The following MALRD1 variants were observed in gnomAD, a reference collection of about 807,000 sequenced individuals.
MALRD1 encodes MAM and LDL-receptor class A domain-containing protein 1.
A neutral mutation model predicts 242.1 loss-of-function variants in MALRD1; 247 were observed. The observed-to-expected ratio is 1.02, with a 90% CI of 0.92 to 1.13. The LOEUF (loss-of-function observed/expected upper bound fraction) is 1.13. Ranked by LOEUF, MALRD1 falls within the 50% of genes most tolerant of loss-of-function variation. The pLI is 0.00. For missense variants in MALRD1, 2,989 were observed against 2,533.1 expected, an observed-to-expected ratio of 1.18 and a Z score of -3.86; for synonymous variants, 995 against 866.6, an observed-to-expected ratio of 1.15 and a Z score of -2.60.
intron 26 of MALRD1, among the ~76,000 whole-genome samples, chr10:19,372,459 G>T (rs1845418814): frequency 6.6e-6 from 1 of 151,712 alleles, no homozygotes. Flanking sequence ...TAGGCCTCTT[G>T]AAATAATATT....
At chr10:19,229,205 C>A (rs769105742) in intron 18 of MALRD1, among the ~76,000 whole-genome samples, 2 of 151,992 alleles carry the variant, frequency 1.3e-5, no homozygotes, top group African/African-American at 4.8e-5. Context: ...ACCTACGTAA[C>A]AATATATCAG....
At chr10:19,171,937 A>G (rs1446037487) in intron 13 of MALRD1, among the ~76,000 whole-genome samples, 1 of 133,182 alleles carries the variant, frequency 7.5e-6, no homozygotes, top group Admixed American at 7.7e-5. Context: ...TGTGATATAT[A>G]TATCATATAA....
chr10:19,392,589 C>A (rs1237681294), intron 28 of MALRD1, among the ~76,000 whole-genome samples: 1 of 152,094 alleles, frequency 6.6e-6, no homozygotes, highest in Non-Finnish European at 1.5e-5. Flanking sequence ...ACCATATTAC[C>A]TATTTCTGTA....
At position 19,253,818 on chromosome 10, in the gene MALRD1, T is replaced by C. The variant is rs574898900; in HGVS notation, c.2992-3866T>C. ...TCCTGTCAACACAAATCTGATTTCT[T>C]TCCCAATTGATATGGTTTGGCTCTG... On this transcript the variant is annotated intron_variant, in intron 18 of 39. Coordinates refer to ENST00000454679, the MANE Select transcript of MALRD1 (RefSeq NM_001142308.3). Among the ~76,000 whole-genome samples, 5 of 152,110 alleles carry C rather than the reference T, an allele frequency of 3.3e-5. No individual in the cohort carries two copies. In the East Asian group the frequency reaches 7.8e-4, roughly 24 times the overall value.
At chr10:19,441,263 G>A (rs1180051182) in intron 28 of MALRD1, among the ~76,000 whole-genome samples, 1 of 152,140 alleles carries the variant, frequency 6.6e-6, no homozygotes, top group Non-Finnish European at 1.5e-5. Flanking sequence ...TGGGTAGATT[G>A]TAAAAATTTT....
intron 18 of MALRD1, among the ~76,000 whole-genome samples, chr10:19,255,766 T>A (rs1037768564): frequency 6.6e-6 from 1 of 152,102 alleles, no homozygotes; most frequent in African/African-American, 2.4e-5. Flanking sequence ...GGATTGTTTC[T>A]GTCTTTCCGT....
At chr10:19,209,159 G>T in intron 17 of MALRD1, 109 bp from the exon 18 acceptor site, 1 of 1,024,550 alleles carries the variant, frequency 9.8e-7, no homozygotes, top group Non-Finnish European at 1.3e-6. Context: ...GGCTTACCTT[G>T]GCATGAGCAA....
chr10:19,454,865 A>G (rs1835563024), intron 29 of MALRD1, among the ~76,000 whole-genome samples: 1 of 152,006 alleles, frequency 6.6e-6, no homozygotes, highest in Non-Finnish European at 1.5e-5. Context: ...AAAACTTACA[A>G]CTCAATTTAT....
intron 18 of MALRD1, among the ~76,000 whole-genome samples, chr10:19,216,945 CAAAAA>C: frequency 9.3e-6 from 1 of 107,960 alleles, no homozygotes; most frequent in Admixed American, 1.0e-4. Flanking sequence ...GACTCCGTCT[CAAAAA>C]AAAAAAAATA....
intron 4 of MALRD1, among the ~76,000 whole-genome samples, chr10:19,095,909 G>C (rs1268537645): frequency 6.6e-6 from 1 of 152,172 alleles, no homozygotes; most frequent in East Asian, 1.9e-4. Context: ...GGATGATCTT[G>C]CTGAAGTTCC....
At chr10:19,533,783 T>C (rs569251366) in intron 32 of MALRD1, among the ~76,000 whole-genome samples, 9 of 152,230 alleles carry the variant, frequency 5.9e-5, no homozygotes, top group South Asian at 2.1e-4. Flanking sequence ...ACCTCCAGCA[T>C]TGGGGATTAC....
chr10:19,341,533 TAC>T (rs1236613966), intron 24 of MALRD1, among the ~76,000 whole-genome samples: 13 of 145,458 alleles, frequency 8.9e-5, no homozygotes, highest in Non-Finnish European at 1.6e-4. Flanking sequence ...TGTATATATA[TAC>T]ACACATATAT....
At chr10:19,070,544 TA>T (rs1835112556) in intron 2 of MALRD1, among the ~76,000 whole-genome samples, 1 of 152,270 alleles carries the variant, frequency 6.6e-6, no homozygotes, top group South Asian at 2.1e-4. Context: ...TGTTTTAGTT[TA>T]AAAAAGTTCT....
At chr10:19,675,662 C>T (rs1389477071) in intron 36 of MALRD1, among the ~76,000 whole-genome samples, 1 of 152,236 alleles carries the variant, frequency 6.6e-6, no homozygotes, top group East Asian at 1.9e-4. Flanking sequence ...AATATATGTA[C>T]TCCAAAAAAG....
chr10:19,087,585 G>T (rs1835713466), intron 2 of MALRD1, among the ~76,000 whole-genome samples: 2 of 150,562 alleles, frequency 1.3e-5, no homozygotes, highest in African/African-American at 4.9e-5. Context: ...CACAGTAGAT[G>T]TGTATATCTA....
intron 18 of MALRD1, among the ~76,000 whole-genome samples, chr10:19,216,249 C>A (rs1057439052): frequency 2.0e-5 from 3 of 151,592 alleles, no homozygotes; most frequent in African/African-American, 7.3e-5. Context: ...TCCTGAGTAG[C>A]TGGGACTATA....
intron 38 of MALRD1, among the ~76,000 whole-genome samples, chr10:19,699,838 C>T (rs1454411199): frequency 6.6e-6 from 1 of 151,978 alleles, no homozygotes; most frequent in Non-Finnish European, 1.5e-5. Context: ...ACAGTAAGAA[C>T]AGCACCAAGT....
chr10:19,243,619 T>C (rs1399341452), intron 18 of MALRD1, among the ~76,000 whole-genome samples: 1 of 152,164 alleles, frequency 6.6e-6, no homozygotes, highest in Non-Finnish European at 1.5e-5. Flanking sequence ...GAATAACCTT[T>C]GAATATTTTC....
At chr10:19,344,324 T>G (rs554455387) in intron 24 of MALRD1, among the ~76,000 whole-genome samples, 31 of 152,230 alleles carry the variant, frequency 2.0e-4, no homozygotes, top group African/African-American at 7.2e-4. Context: ...TTTAGTTAAT[T>G]TTAGTCTAAA....
Sources: allele counts gnomAD v4.1 joint callset (sites outside exome capture counted in the v4.1 genomes callset), GRCh38; gene constraint gnomAD v4.1.1; transcripts MANE v1.5; gene names NCBI Gene and HGNC (gene_info 2026-07-23, HGNC 2026-07-21).